The following L3HYPDH variants were observed in gnomAD, a reference collection of about 807,000 sequenced individuals.
L3HYPDH encodes the protein trans-3-hydroxy-L-proline dehydratase.
L3HYPDH carries 32 observed loss-of-function variants against 26.5 expected under a neutral mutation model. The observed-to-expected ratio is 1.21, with a 90% confidence interval of 0.91 to 1.62. The LOEUF is 1.62. L3HYPDH is among the 40% of genes most tolerant of loss of function. L3HYPDH has a pLI of 0.00. For missense variants in L3HYPDH, 554 were observed against 476.4 expected (o/e 1.16, Z -1.52); for synonymous variants, 215 against 196.6 (o/e 1.09, Z -0.78).
the L3HYPDH span, chr14:59,495,289 T>G: frequency 7.7e-7 from 1 of 1,301,242 alleles, no homozygotes; most frequent in Middle Eastern, 1.9e-4. Flanking sequence ...ATTATAGATT[T>G]TATGGCGTTT....
Position 59,484,198 on chromosome 14 carries a change from G to A in L3HYPDH, c.119C>T (p.Pro40Leu). 1 of 1,598,782 alleles carries A rather than the reference G, an allele frequency of 6.3e-7. No individual in the cohort carries two copies. The highest frequency in any genetic ancestry group is 8.5e-7 in the Non-Finnish European group (1 of 1,179,604). The change falls in exon 1 of 5, where the codon CCG becomes CTG. Residue 40 changes from proline (P) to leucine (L), a missense_variant. Physicochemically the swap from Pro to Leu is moderately conservative, Grantham distance 98. Transcript: ENST00000247194. Reference protein sequence around the residue: ...EPLRIVLAGCPEVSGPTLLAK... With the variant: ...EPLRIVLAGCLEVSGPTLLAK... Reference sequence around the variant, plus strand: ...CAGCAGGGTGGGCCCAGACACCTCCGGACACCCCGCCAGCACGATACGCAA... The same window carrying A: ...CAGCAGGGTGGGCCCAGACACCTCCAGACACCCCGCCAGCACGATACGCAA...
downstream of L3HYPDH, among the ~76,000 whole-genome samples, chr14:59,470,998 GTTAA>G (rs954277740): frequency 3.3e-5 from 5 of 149,568 alleles, no homozygotes; most frequent in African/African-American, 1.2e-4. Context: ...CCTGAAAAAG[GTTAA>G]TTGATGAGGC....
At chr14:59,471,774 A>AT (rs1052665442), downstream of L3HYPDH, among the ~76,000 whole-genome samples, 38 of 151,998 alleles carry the variant, frequency 2.5e-4, no homozygotes, top group East Asian at 7.7e-4. Context: ...TTCTGTTTTT[A>AT]TTTTTTTTAA....
chr14:59,484,503 C>T (rs1285920291), upstream of L3HYPDH: 5 of 1,511,388 alleles, frequency 3.3e-6, no homozygotes, highest in Admixed American at 8.0e-5. Context: ...GGAGGCGGAG[C>T]CGCCGAGCTC....
At chr14:59,465,936 G>C (rs1273944838) in intron 1 of L3HYPDH, among the ~76,000 whole-genome samples, 1 of 152,176 alleles carries the variant, frequency 6.6e-6, no homozygotes, top group African/African-American at 2.4e-5. Flanking sequence ...TAACGGGTTC[G>C]CGGGTGGTGA....
At chr14:59,471,115 G>A (rs535102039), downstream of L3HYPDH, among the ~76,000 whole-genome samples, 86 of 152,194 alleles carry the variant, frequency 5.7e-4, no homozygotes, top group African/African-American at 2.0e-3. Context: ...CAGAGGAGGA[G>A]GAGTTGATTT....
At chr14:59,466,606 C>T (rs1889186675) in intron 1 of L3HYPDH, among the ~76,000 whole-genome samples, 2 of 152,212 alleles carry the variant, frequency 1.3e-5, no homozygotes, top group Admixed American at 1.3e-4. Flanking sequence ...ATTTGAGAAA[C>T]ACTGCTCTAA....
the L3HYPDH span, chr14:59,500,978 C>T: frequency 1.0e-5 from 5 of 483,414 alleles, no homozygotes; most frequent in South Asian, 8.8e-5. Context: ...GCTGGGTAAT[C>T]GAGACAGAGA....
At chr14:59,487,665 A>G (rs371249312), upstream of L3HYPDH, 26 of 1,606,352 alleles carry the variant, frequency 1.6e-5, no homozygotes, top group African/African-American at 2.4e-4. Flanking sequence ...TTGGTTTTAT[A>G]TATTATAGGT....
At chr14:59,488,834 T>G (rs1890776344), upstream of L3HYPDH, among the ~76,000 whole-genome samples, 1 of 152,264 alleles carries the variant, frequency 6.6e-6, no homozygotes, top group Non-Finnish European at 1.5e-5. Flanking sequence ...CTTCTTTTCC[T>G]TCTGATTTCA....
upstream of L3HYPDH, chr14:59,487,548 T>A: frequency 1.5e-6 from 1 of 677,072 alleles, no homozygotes; most frequent in East Asian, 2.5e-5. Context: ...CTTTTTTATT[T>A]CTAAAAGCTG....
chr14:59,486,550 G>A (rs920483878), upstream of L3HYPDH: 4 of 613,340 alleles, frequency 6.5e-6, no homozygotes, highest in African/African-American at 5.6e-5. Context: ...GTGTCACAGT[G>A]TAAAAGGAGA....
chr14:59,504,022 A>G, the L3HYPDH span: 1 of 1,613,830 alleles, frequency 6.2e-7, no homozygotes, highest in Non-Finnish European at 8.5e-7. Context: ...GTTCACTGCA[A>G]AATTTACCGA....
In L3HYPDH at chr14:59,480,619, T is replaced by C. The variant is rs547105630; in HGVS notation, c.509-1268A>G. Among the ~76,000 whole-genome samples the C allele has an allele frequency of 2.0e-3, 309 of 152,326 alleles. 3 individuals carry two copies. The highest frequency in any genetic ancestry group is 0.01 in the Middle Eastern group (3 of 294). On this transcript the variant is annotated intron_variant, in intron 1 of 4. Transcript: ENST00000247194. ...TATATCTTGTGTTCCTGAGTTTTCA[T>C]ACAAGGTCATACAAAGATATCAGTA... is the stretch of plus-strand genomic sequence containing the variant.
At chr14:59,494,056 C>G in the L3HYPDH span, among the ~76,000 whole-genome samples, 1 of 152,038 alleles carries the variant, frequency 6.6e-6, no homozygotes, top group Non-Finnish European at 1.5e-5. Flanking sequence ...GCACAGAAAT[C>G]TCTTCTAGGT....
downstream of L3HYPDH, among the ~76,000 whole-genome samples, chr14:59,471,775 T>C (rs1485525727): frequency 1.3e-5 from 2 of 152,052 alleles, no homozygotes; most frequent in South Asian, 2.1e-4. Flanking sequence ...TCTGTTTTTA[T>C]TTTTTTTAAA....
chr14:59,495,104 G>A, the L3HYPDH span: 1 of 1,613,516 alleles, frequency 6.2e-7, no homozygotes, highest in Non-Finnish European at 8.5e-7. Flanking sequence ...GATCCAGTTG[G>A]TGTTCTTTAT....
upstream of L3HYPDH, chr14:59,486,904 T>A: frequency 1.2e-6 from 1 of 858,706 alleles, no homozygotes; most frequent in Non-Finnish European, 1.8e-6. Context: ...CATTAATTTA[T>A]AAAAGAATAT....
At chr14:59,495,489 C>T in the L3HYPDH span, among the ~76,000 whole-genome samples, 1 of 151,992 alleles carries the variant, frequency 6.6e-6, no homozygotes, top group East Asian at 1.9e-4. Flanking sequence ...ATAGGAGGCA[C>T]TTTATAGTAA....
Sources: allele counts gnomAD v4.1 joint callset (sites outside exome capture counted in the v4.1 genomes callset), GRCh38; gene constraint gnomAD v4.1.1; transcripts MANE v1.5; gene names NCBI Gene and HGNC (gene_info 2026-07-23, HGNC 2026-07-21).